Variants in SCRIB observed in about 807,000 individuals in gnomAD.
SCRIB encodes protein scribble homolog.
A neutral mutation model predicts 170.0 loss-of-function variants in SCRIB; 72 were observed. The observed-to-expected ratio is 0.42, with a 90% CI of 0.35 to 0.52. SCRIB has a LOEUF of 0.52. Among genes scored for constraint, SCRIB ranks in the 20% least tolerant of loss-of-function variants. The probability of loss-of-function intolerance (pLI) is 0.02; values close to 1 mark genes in which losing one functional copy is unlikely to be tolerated. For synonymous variants in SCRIB, 1,298 were observed against 1,044.3 expected, an observed-to-expected ratio of 1.24 and a Z score of -4.68; for missense variants, 2,475 against 2,338.5, an observed-to-expected ratio of 1.06 and a Z score of -1.20.
intron 13 of SCRIB, 59 bp downstream of exon 13, chr8:143,810,420 C>G (rs1815652585): frequency 6.3e-7 from 1 of 1,583,900 alleles, no homozygotes; most frequent in Non-Finnish European, 8.5e-7. Flanking sequence ...CCAGGATGGA[C>G]CGGACCACCA....
chr8:143,794,776 G>T (rs746804463), intron 27 of SCRIB, among the ~76,000 whole-genome samples: 3 of 152,098 alleles, frequency 2.0e-5, no homozygotes, highest in African/African-American at 7.2e-5. Flanking sequence ...CTCTCGCACC[G>T]CCACTAGAGG....
rs782334485 is a variant in SCRIB, at chr8:143,795,079, G to A, written c.3805C>T (p.Arg1269Cys). Residue 1269 changes from arginine (R) to cysteine (C), a missense_variant, in exon 27 of 37, where the codon CGC becomes TGC. Coordinates refer to ENST00000356994, the MANE Select transcript of SCRIB (RefSeq NM_182706.5). ...RGLQPLKLDY[R>C]ALAAVPSAGS... ...GCGCTGGGCACGGCGGCCAGGGCGC[G>A]GTAGTCCAGCTTCAGGGGCTGCAGA... 1.9e-5 allele frequency: 31 copies of A among 1,611,376 alleles called. No individual in the cohort carries two copies. Among genetic ancestry groups the A allele is most frequent in the Middle Eastern group, 1.8e-4 (1 of 5,696 alleles).
At position 143,809,571 on chromosome 8, in the gene SCRIB, C is replaced by A; in HGVS notation, c.1678G>T (p.Ala560Ser). 6.2e-7 allele frequency: 1 copy of A among 1,611,372 alleles called. No individual in the cohort carries two copies. The highest frequency in any genetic ancestry group is 8.5e-7 in the Non-Finnish European group (1 of 1,179,700). Residue 560 changes from alanine (A) to serine (S), a missense_variant, in exon 14 of 37, where the codon GCC becomes TCC. Around this residue, in one of 3 missense-constraint regions of SCRIB, gnomAD observed 1,966 missense variants for 1,742.9 expected, o/e 1.13. Coordinates refer to ENST00000356994, the MANE Select transcript of SCRIB (RefSeq NM_182706.5). ...EATTAGGEED[A>S]EEDYQEPTVH... Reference sequence around the variant, plus strand: ...CACACCTCCTGGTAGTCCTCTTCGGCGTCTTCCTCCCCGCCAGCAGTCGTG... The same window carrying A: ...CACACCTCCTGGTAGTCCTCTTCGGAGTCTTCCTCCCCGCCAGCAGTCGTG...
chr8:143,812,311 G>C lies in SCRIB; in HGVS notation c.861C>G (p.Asp287Glu), dbSNP rs1815771349. 1 of 1,613,502 alleles carries C rather than the reference G, an allele frequency of 6.2e-7. No homozygotes were observed. Among genetic ancestry groups the C allele is most frequent in the South Asian group, 1.1e-5 (1 of 91,088 alleles). ...RLCEVTEAIGDCENLSELILT... is the reference protein window; with the variant it reads ...RLCEVTEAIGECENLSELILT... ...GGATCAGCTCAGAGAGGTTCTCACA[G>C]TCCCCGATGGCCTCGGTCACCTCGC... The change falls in exon 9 of 37, where the codon GAC (aspartate) becomes GAG (glutamate). Residue 287 changes from aspartate (D) to glutamate (E), a missense_variant. Asp to Glu is a conservative substitution (Grantham distance 45). Around this residue, in one of 3 missense-constraint regions of SCRIB, gnomAD observed 487 missense variants for 558.1 expected, o/e 0.87. Transcript: ENST00000356994.
Position 143,810,967 on chromosome 8 carries a change from G to A in SCRIB, c.1212C>T (p.Ala404=), listed in dbSNP as rs908000322. 1.1e-5 allele frequency: 17 copies of A among 1,611,796 alleles called. No individual in the cohort carries two copies. The Admixed American group carries it at 1.3e-4, about 13-fold the overall frequency. The change falls in exon 11 of 37, where the codon GCC becomes GCT. Residue 404 remains alanine (A), a synonymous_variant. Transcript: ENST00000356994. ...PMLRFQTEDD[A]RTGEKVLTCY... ...AGGTGAGCACCTTCTCGCCGGTCCG[G>A]GCATCATCCTCCGTCTGGAACCGGA...
At chr8:143,813,763 TC>T in intron 3 of SCRIB, 37 bp from the exon 4 acceptor site, 1 of 1,610,686 alleles carries the variant, frequency 6.2e-7, no homozygotes, top group Non-Finnish European at 8.5e-7. Context: ...GGATGACCAG[TC>T]CAGGGCTGTG....
chr8:143,791,505 G>C, intron 35 of SCRIB, 65 bp from the exon 36 acceptor site: 1 of 1,596,512 alleles, frequency 6.3e-7, no homozygotes, highest in Non-Finnish European at 8.5e-7. Flanking sequence ...AGGTGGACGG[G>C]TGGGCTCCCA....
intron 24 of SCRIB, among the ~76,000 whole-genome samples, chr8:143,802,950 G>C (rs1362312697): frequency 6.6e-6 from 1 of 152,228 alleles, no homozygotes; most frequent in East Asian, 1.9e-4. Context: ...AGAGGAGCAA[G>C]GTGCCACTAG....
chr8:143,805,499 G>A, intron 18 of SCRIB, 64 bp from the exon 19 acceptor site: 4 of 1,397,832 alleles, frequency 2.9e-6, no homozygotes, highest in Non-Finnish European at 3.8e-6. Context: ...CACGTGCTGG[G>A]GGCTCCACAC....
At chr8:143,804,346 G>A (rs1178762684) in intron 21 of SCRIB, among the ~76,000 whole-genome samples, 190 bp from the exon 22 acceptor site, 3 of 152,258 alleles carry the variant, frequency 2.0e-5, no homozygotes, top group Non-Finnish European at 4.4e-5. Flanking sequence ...TATCCTCGCT[G>A]ACTGTGGCCA....
chr8:143,814,524 C>A (rs1440273304), intron 1 of SCRIB, among the ~76,000 whole-genome samples: 1 of 152,038 alleles, frequency 6.6e-6, no homozygotes, highest in Non-Finnish European at 1.5e-5. Context: ...ACTCAGTAAA[C>A]GCTCCCCACA....
chr8:143,792,592 C>T lies in SCRIB; in HGVS notation c.4221G>A (p.Ala1407=), dbSNP rs202106032. Reference sequence around the variant, plus strand: ...GCCTCGCTTCGGCCCCAGCCTCTGCCGCCTCCCGCAGCATCTGCGCTCTCT... The same window carrying T: ...GCCTCGCTTCGGCCCCAGCCTCTGCTGCCTCCCGCAGCATCTGCGCTCTCT... ...QQKRAQMLRE[A]AEAGAEARLA... The change falls in exon 31 of 37, where the codon GCG becomes GCA. Residue 1407 remains alanine, a synonymous_variant. Coordinates refer to ENST00000356994, the MANE Select transcript of SCRIB (RefSeq NM_182706.5). 23 of 1,587,442 alleles carry T rather than the reference C, an allele frequency of 1.4e-5. No individual in the cohort carries two copies. The highest frequency in any genetic ancestry group is 6.8e-5 in the East Asian group (3 of 44,364).
Position 143,810,545 on chromosome 8 carries a change from G to A in SCRIB, c.1464C>T (p.Ile488=), listed in dbSNP as rs138561750. The change falls in exon 13 of 37, where the codon ATC becomes ATT. Residue 488 remains isoleucine, a synonymous_variant. Transcript: ENST00000356994. ...GGCAGGCCTCGCTCCGCCGCCCCTC[G>A]ATGCTCCTCTTCATCACCTTGAGCT... is the stretch of plus-strand genomic sequence containing the variant. ...PSELKVMKRS[I]EGRRSEACPC... 122 of 1,613,444 alleles carry A rather than the reference G, an allele frequency of 7.6e-5. No homozygotes were observed. The highest frequency in any genetic ancestry group is 1.7e-4 in the Middle Eastern group (1 of 6,060).
At position 143,805,412 on chromosome 8, in the gene SCRIB, G is replaced by A. The variant is rs369961761; in HGVS notation, c.2370C>T (p.Gly790=). 70 of 1,517,464 alleles carry A rather than the reference G, an allele frequency of 4.6e-5. No individual in the cohort carries two copies. The African/African-American group carries it at 7.2e-4, about 16-fold the overall frequency. The allele number at this position is 1,517,464 out of a possible 1,614,324, so 94.0% of individuals were successfully genotyped here. ...LLEVNGVALQ[G]AEHHEAVEAL... is the part of the protein sequence containing the mutation. ...CCTCCACGGCCTCGTGGTGCTCGGC[G>A]CCCTGCAGAGCCACACCATTCACCT... Residue 790 remains glycine, a synonymous_variant, in exon 19 of 37, where the codon GGC becomes GGT. Transcript: ENST00000356994.
In SCRIB at chr8:143,810,470, C is replaced by A; in HGVS notation, c.1530+9G>T. The A allele has an allele frequency of 6.2e-7, 1 of 1,605,310 alleles. No individual in the cohort carries two copies. On this transcript the variant is annotated intron_variant, in intron 13 of 36. Transcript: ENST00000356994. ...GCGGCCCGCCAGGTTGCCGTGGCTC[C>A]ATGCCCACCTCCTCTGCAGGCAAGG...
At position 143,814,139 on chromosome 8, in the gene SCRIB, G is replaced by C. The variant is rs1815899712; in HGVS notation, c.160-21C>G. 1.9e-6 allele frequency: 3 copies of C among 1,542,560 alleles called. No homozygotes were observed. The East Asian group carries it at 7.3e-5, about 38-fold the overall frequency. ...AAAGGCTGTGGGCAGGGAGGACACG[G>C]ACTCTGTGGCAGAGACCACTGCAGA... On this transcript the variant is annotated intron_variant, in intron 1 of 36. Coordinates refer to ENST00000356994, the MANE Select transcript of SCRIB (RefSeq NM_182706.5).
chr8:143,797,941 A>G lies in SCRIB; in HGVS notation c.3604-2411T>C, dbSNP rs140278881. Among the ~76,000 whole-genome samples the G allele has an allele frequency of 7.9e-3, 1,203 of 152,374 alleles. 20 individuals carry two copies. Among genetic ancestry groups the G allele is most frequent in the Middle Eastern group, 0.037 (11 of 294 alleles). On this transcript the variant is annotated intron_variant, in intron 24 of 36. Transcript: ENST00000356994. ...TTTGCAACTTTTCTCTAAGTTTAAA[A>G]TTCATTTATGTATGTGCTTACATTT... is the stretch of plus-strand genomic sequence containing the variant.
At chr8:143,806,097 A>G (rs1563800192) in intron 18 of SCRIB, among the ~76,000 whole-genome samples, 1 of 152,040 alleles carries the variant, frequency 6.6e-6, no homozygotes, top group Non-Finnish European at 1.5e-5. Flanking sequence ...CCTCCTGGAG[A>G]GGCCACTGTG....
Position 143,808,830 on chromosome 8 carries a change from T to G in SCRIB, c.1894A>C (p.Met632Leu). The G allele has an allele frequency of 6.2e-7, 1 of 1,611,736 alleles. No homozygotes were observed. Among genetic ancestry groups the G allele is most frequent in the Non-Finnish European group, 8.5e-7 (1 of 1,179,764 alleles). Residue 632 changes from methionine to leucine, a missense_variant, in exon 15 of 37, where the codon ATG becomes CTG. Around this residue, in one of 3 missense-constraint regions of SCRIB, gnomAD observed 1,966 missense variants for 1,742.9 expected, o/e 1.13. Coordinates refer to ENST00000356994, the MANE Select transcript of SCRIB (RefSeq NM_182706.5). ...ACAGGGCCCTCCCCATCAGGCTGCA[T>G]GCCCTGCAGCAGAGCCACAACGGCC... ...PEAVVALLQG[M>L]QPDGEGPVAP...
Sources: gnomAD v4.1 joint callset for allele counts (sites outside exome capture counted in the v4.1 genomes callset) on GRCh38, gnomAD v4.1.1 for gene constraint, gnomAD v4.1.1 regional missense constraint, MANE v1.5 for transcripts, NCBI Gene and HGNC (gene_info 2026-07-23, HGNC 2026-07-21) for gene names.